The following ITPR3 variants were observed in gnomAD, a reference collection of about 807,000 sequenced individuals.
ITPR3 encodes inositol 1,4,5-trisphosphate-gated calcium channel ITPR3.
Under a neutral mutation model 293.2 loss-of-function variants are expected in ITPR3, and 173 were observed. The observed-to-expected ratio is 0.59, with a 90% CI of 0.52 to 0.67. ITPR3 has a LOEUF of 0.67. Among genes scored for constraint, ITPR3 ranks in the 30% least tolerant of loss-of-function variants. The pLI is 0.00. For missense variants in ITPR3, 2,796 were observed against 3,592.1 expected (o/e 0.78, Z 5.66); for synonymous variants, 1,295 against 1,444.4 (o/e 0.90, Z 2.35).
chr6:33,657,838 T>G, intron 3 of ITPR3, 94 bp from the exon 4 acceptor site: 1 of 935,602 alleles, frequency 1.1e-6, no homozygotes, highest in East Asian at 2.7e-5. Context: ...TGTGTGTTTG[T>G]GTGCATGTGT....
chr6:33,695,847 C>T lies in ITPR3; in HGVS notation c.*67C>T. 8 of 1,522,902 alleles carry T rather than the reference C, an allele frequency of 5.3e-6. No homozygotes were observed. The highest frequency in any genetic ancestry group is 3.4e-5 in the South Asian group (3 of 89,180). The allele number at this position is 1,522,902 out of a possible 1,614,324, so 94.3% of individuals were successfully genotyped here. A position where few individuals can be genotyped will look rare whatever the true frequency, so the allele number is the denominator to read the frequency against. ...GAGACTGCGACTGGGAAGAACACTG[C>T]CCCCTCCCTCGGGTTGGGTGGCCCA... On this transcript the variant is annotated 3_prime_UTR_variant, in exon 58 of 58. Transcript: ENST00000605930.
At position 33,632,899 on chromosome 6, in the gene ITPR3, AG is replaced by A. The variant is rs543776973; in HGVS notation, c.90-7584del. On this transcript the variant is annotated intron_variant, in intron 1 of 57. Transcript: ENST00000605930. This position sits in a 1 kb window ranked among gnomAD's most constrained non-coding sequence, Gnocchi z 4.1. ...AGGGTGGGGACCACACCCAGCACAT[AG>A]TAGGCTCGTGGTGAGGTCTGTCGAG... Among the ~76,000 whole-genome samples, 146 of 152,282 alleles carry A rather than the reference AG, an allele frequency of 9.6e-4. 1 individual carries two copies. Among genetic ancestry groups the A allele is most frequent in the Admixed American group, 7.0e-3 (107 of 15,296 alleles).
chr6:33,689,465 C>A, intron 50 of ITPR3, 55 bp downstream of exon 50: 1 of 1,583,674 alleles, frequency 6.3e-7, no homozygotes, highest in Non-Finnish European at 8.6e-7. Context: ...ACTGTGCATT[C>A]AGACGGCAAG....
At position 33,684,967 on chromosome 6, in the gene ITPR3, C is replaced by G. The variant is rs1458971508; in HGVS notation, c.5307+24C>G. The G allele has an allele frequency of 3.2e-6, 5 of 1,586,826 alleles. No homozygotes were observed. Among genetic ancestry groups the G allele is most frequent in the African/African-American group, 1.3e-5 (1 of 74,446 alleles). The stretch of plus-strand genomic sequence containing the variant: ...AGGTGTGGGGGGCCTGGGGCCTGGA[C>G]ATGCCCTCCTTTGCCTCCCTCCCTT... On this transcript the variant is annotated intron_variant, in intron 39 of 57. Transcript: ENST00000605930. This position sits in a 1 kb window ranked among gnomAD's most constrained non-coding sequence, Gnocchi z 4.2.
Position 33,692,894 on chromosome 6 carries a change from G to A in ITPR3, c.7624+1G>A, listed in dbSNP as rs760184763. On this transcript the variant is annotated splice_donor_variant, in intron 55 of 57. Coordinates refer to ENST00000605930, the MANE Select transcript of ITPR3 (RefSeq NM_002224.4). LOFTEE classifies it high-confidence loss of function. This position sits in a 1 kb window ranked among gnomAD's most constrained non-coding sequence, Gnocchi z 4.2. ...CTTAAGACGACATGCTTCATCTGTG[G>A]TGAGGGCTGCTTCCTGCTCTGTGGA... The A allele has an allele frequency of 7.4e-6, 12 of 1,613,874 alleles. No individual in the cohort carries two copies. The Admixed American group carries it at 1.0e-4, about 13-fold the overall frequency.
chr6:33,629,997 A>T (rs566358826), intron 1 of ITPR3, among the ~76,000 whole-genome samples: 1 of 152,218 alleles, frequency 6.6e-6, no homozygotes, highest in South Asian at 2.1e-4. Context: ...AGGCTGAGGC[A>T]GGAGAATCAC....
chr6:33,628,845 C>G (rs1035471014), intron 1 of ITPR3, among the ~76,000 whole-genome samples: 1 of 152,160 alleles, frequency 6.6e-6, no homozygotes, highest in Admixed American at 6.5e-5. Context: ...AAATTGCTCT[C>G]CCCATCGCTC....
At position 33,667,138 on chromosome 6, in the gene ITPR3, A is replaced by C; in HGVS notation, c.1561A>C (p.Ile521Leu). The C allele has an allele frequency of 3.1e-6, 5 of 1,613,998 alleles. No homozygotes were observed. Among genetic ancestry groups the C allele is most frequent in the Non-Finnish European group, 4.2e-6 (5 of 1,179,906 alleles). Reference sequence around the variant, plus strand: ...CTCTGTATTCCCCCAGGTCTTTGGCATTCTGAAGGCCCCGTTCCGTGAGAA... The same window carrying C: ...CTCTGTATTCCCCCAGGTCTTTGGCCTTCTGAAGGCCCCGTTCCGTGAGAA... ...EQNILKQVFG[I>L]LKAPFREKGG... Residue 521 changes from isoleucine (I) to leucine (L), a missense_variant, in exon 15 of 58, where the codon ATT becomes CTT. By Grantham distance (5) the Ile-to-Leu change is conservative (BLOSUM62 2). This residue lies in a region of ITPR3 where 955 missense variants were observed against 1,180.8 expected (regional missense o/e 0.81). Coordinates refer to ENST00000605930, the MANE Select transcript of ITPR3 (RefSeq NM_002224.4). This position sits in a 1 kb window ranked among gnomAD's most constrained non-coding sequence, Gnocchi z 4.4.
intron 50 of ITPR3, among the ~76,000 whole-genome samples, chr6:33,689,658 GTGGC>G (rs1294414428): frequency 1.3e-5 from 2 of 152,252 alleles, no homozygotes; most frequent in Non-Finnish European, 2.9e-5. Flanking sequence ...CAGGGTCAGG[GTGGC>G]TGTGCACACT....
rs926179822 is a variant in ITPR3, at chr6:33,670,954, C to T, written c.2586+139C>T. On this transcript the variant is annotated intron_variant, in intron 20 of 57. Transcript: ENST00000605930. The surrounding 1 kb of genome is among the most constrained non-coding windows in gnomAD (Gnocchi z 6.7). ...GTGTCCCCAGCCAGTGCAGGGGGACCGCATAGAAGGCTGGGATTCTCCAAG... is the reference window on the plus strand; with the variant it reads ...GTGTCCCCAGCCAGTGCAGGGGGACTGCATAGAAGGCTGGGATTCTCCAAG... 100 of 1,313,424 alleles carry T rather than the reference C, an allele frequency of 7.6e-5. No individual in the cohort carries two copies. The highest frequency in any genetic ancestry group is 9.2e-5 in the Non-Finnish European group (88 of 956,982). 81.4% of individuals were successfully genotyped at this position (1,313,424 alleles called of 1,614,324 possible). A position where few individuals can be genotyped will look rare whatever the true frequency, so the allele number is the denominator to read the frequency against.
intron 7 of ITPR3, among the ~76,000 whole-genome samples, chr6:33,661,047 C>G (rs555212019): frequency 2.6e-5 from 4 of 152,194 alleles, no homozygotes; most frequent in Non-Finnish European, 5.9e-5. Flanking sequence ...TCCGTGGTTC[C>G]AAGGCAGCTC....
intron 51 of ITPR3, 114 bp downstream of exon 51, chr6:33,690,312 G>A (rs894929517): frequency 1.9e-6 from 2 of 1,077,108 alleles, no homozygotes; most frequent in African/African-American, 1.6e-5. Flanking sequence ...TTTTGCTGCT[G>A]GGCTGGGAGC....
At chr6:33,669,421 G>A (rs1229771095) in intron 18 of ITPR3, among the ~76,000 whole-genome samples, 1 of 152,226 alleles carries the variant, frequency 6.6e-6, no homozygotes, top group Admixed American at 6.5e-5. Flanking sequence ...TTTCAAACAT[G>A]TATATTATTA....
rs547973498 is a variant in ITPR3 at position 33,684,165 on chromosome 6, C to T, written c.4934C>T (p.Ser1645Phe). Residue 1645 changes from serine (S) to phenylalanine (F), a missense_variant, in exon 36 of 58, where the codon TCC (serine) becomes TTC (phenylalanine). This residue lies in a region of ITPR3 where 704 missense variants were observed against 797.5 expected (regional missense o/e 0.88). Coordinates refer to ENST00000605930, the MANE Select transcript of ITPR3 (RefSeq NM_002224.4). This position sits in a 1 kb window ranked among gnomAD's most constrained non-coding sequence, Gnocchi z 4.2. ...YQRCESGGFLSKLIQHTKDLM... is the reference protein window; with the variant it reads ...YQRCESGGFLFKLIQHTKDLM... ...CGCTGCGAGAGTGGGGGCTTCCTGTCCAAGTGAGCGAGACACTGGGGCATG... is the reference window on the plus strand; with the variant it reads ...CGCTGCGAGAGTGGGGGCTTCCTGTTCAAGTGAGCGAGACACTGGGGCATG... 11 of 1,610,310 alleles carry T rather than the reference C, an allele frequency of 6.8e-6. No individual in the cohort carries two copies. Among genetic ancestry groups the T allele is most frequent in the Middle Eastern group, 2.2e-4 (1 of 4,520 alleles).
At position 33,670,298 on chromosome 6, in the gene ITPR3, G is replaced by A; in HGVS notation, c.2190-27G>A. 2 of 1,613,000 alleles carry A rather than the reference G, an allele frequency of 1.2e-6. No individual in the cohort carries two copies. Among genetic ancestry groups the A allele is most frequent in the East Asian group, 2.2e-5 (1 of 44,868 alleles). On this transcript the variant is annotated intron_variant, in intron 18 of 57. Transcript: ENST00000605930. This position sits in a 1 kb window ranked among gnomAD's most constrained non-coding sequence, Gnocchi z 6.7. ...CAGCCTCCCGGCTGCCATCTGCCGT[G>A]TCCTCACAGTCCTCCCTGTCCTGCA... is the stretch of plus-strand genomic sequence containing the variant.
At position 33,638,499 on chromosome 6, in the gene ITPR3, G is replaced by T. The variant is rs1486687461; in HGVS notation, c.90-1985G>T. ...CATTAACATAAAACCAGGTGTGGTT[G>T]AAAGAGGCTTGGAATGAACAAAATT... is the stretch of plus-strand genomic sequence containing the variant. On this transcript the variant is annotated intron_variant, in intron 1 of 57. Coordinates refer to ENST00000605930, the MANE Select transcript of ITPR3 (RefSeq NM_002224.4). The surrounding 1 kb of genome is among the most constrained non-coding windows in gnomAD (Gnocchi z 4.3). 1.3e-5 allele frequency among the ~76,000 whole-genome samples: 2 copies of T among 152,204 alleles called. No homozygotes were observed. The highest frequency in any genetic ancestry group is 2.9e-5 in the Non-Finnish European group (2 of 68,038).
At chr6:33,688,890 G>A in intron 49 of ITPR3, 109 bp downstream of exon 49, 1 of 1,423,664 alleles carries the variant, frequency 7.0e-7, no homozygotes, top group Non-Finnish European at 9.8e-7. Context: ...CAGATGCAGA[G>A]TGTGCAGAAG....
At position 33,675,635 on chromosome 6, in the gene ITPR3, G is replaced by A. The variant is rs940583015; in HGVS notation, c.3117-56G>A. The A allele has an allele frequency of 2.2e-5, 33 of 1,520,438 alleles. No individual in the cohort carries two copies. The East Asian group carries it at 3.8e-4, about 18-fold the overall frequency. The allele number at this position is 1,520,438 out of a possible 1,614,324, so 94.2% of individuals were successfully genotyped here. ...TGTGCCAGGGCCCCTTACCCACCAC[G>A]GACAGCAGGGAGTGTGCCAGTCTCA... is the stretch of plus-strand genomic sequence containing the variant. On this transcript the variant is annotated intron_variant, in intron 24 of 57. Transcript: ENST00000605930. The surrounding 1 kb of genome is among the most constrained non-coding windows in gnomAD (Gnocchi z 5.0).
chr6:33,659,684 C>T, intron 7 of ITPR3, 135 bp downstream of exon 7: 1 of 706,294 alleles, frequency 1.4e-6, no homozygotes, highest in African/African-American at 1.7e-5. Context: ...AGCCTCCCTC[C>T]ACCTCCACAG....
Sources: gnomAD v4.1 joint callset for allele counts (sites outside exome capture counted in the v4.1 genomes callset) on GRCh38, gnomAD v4.1.1 for gene constraint, gnomAD v4.1.1 regional missense constraint, Gnocchi (gnomAD v3.1) non-coding constraint, MANE v1.5 for transcripts, NCBI Gene and HGNC (gene_info 2026-07-23, HGNC 2026-07-21) for gene names.